Variants in GLCCI1 observed in about 807,000 individuals in gnomAD.
GLCCI1 encodes the protein glucocorticoid-induced transcript 1 protein.
In GLCCI1, 24 loss-of-function variants were observed where a neutral mutation model predicts 52.2. The observed-to-expected ratio is 0.46, with a 90% CI of 0.33 to 0.65. The LOEUF is 0.65. GLCCI1 is among the 30% of genes least tolerant of loss of function. GLCCI1 has a pLI of 0.02. For synonymous variants in GLCCI1, 310 were observed against 276.5 expected (o/e 1.12, Z -1.20); for missense variants, 704 against 701.5 (o/e 1.00, Z -0.04).
intron 1 of GLCCI1, among the ~76,000 whole-genome samples, chr7:7,976,876 C>T (rs1487638492): frequency 4.0e-5 from 6 of 151,226 alleles, no homozygotes; most frequent in Non-Finnish European, 8.8e-5. Flanking sequence ...GAGCTGAAAT[C>T]ACCCTACTGC....
At position 8,087,735 on chromosome 7, in the gene GLCCI1, GT is replaced by G. The variant is rs58272960; in HGVS notation, c.*1204del. 0.24 allele frequency: 37,147 copies of G among 152,428 alleles called. 4,896 individuals carry two copies. The highest frequency in any genetic ancestry group is 0.42 in the East Asian group (2,154 of 5,164). The allele number at this position is 152,428 out of a possible 1,614,324, so 9.4% of individuals were successfully genotyped here. A position where few individuals can be genotyped will look rare whatever the true frequency, so the allele number is the denominator to read the frequency against. On this transcript the variant is annotated 3_prime_UTR_variant, in exon 8 of 8. Coordinates refer to ENST00000223145, the MANE Select transcript of GLCCI1 (RefSeq NM_138426.4). ...CTCAGAATTGATGCAACATAAGCAG[GT>G]TTTTTTGGTGACTTACAAGAGCAAT...
intron 3 of GLCCI1, among the ~76,000 whole-genome samples, chr7:8,043,764 A>T (rs183486737): frequency 6.6e-6 from 1 of 152,326 alleles, no homozygotes; most frequent in Non-Finnish European, 1.5e-5. Flanking sequence ...GAATAGGTAT[A>T]AAAGACTAAT....
At chr7:8,084,387 C>T (rs886752099) in intron 6 of GLCCI1, among the ~76,000 whole-genome samples, 16 of 152,054 alleles carry the variant, frequency 1.1e-4, no homozygotes, top group African/African-American at 3.9e-4. Flanking sequence ...TAGAAAGAGA[C>T]ATTTTATAAA....
At chr7:7,980,880 G>T in intron 1 of GLCCI1, 1 of 643,068 alleles carries the variant, frequency 1.6e-6, no homozygotes, top group Non-Finnish European at 2.9e-6. Context: ...AGTGATTTTA[G>T]ATGGTCCATT....
At chr7:8,010,798 A>G (rs1411802932) in intron 2 of GLCCI1, among the ~76,000 whole-genome samples, 1 of 152,196 alleles carries the variant, frequency 6.6e-6, no homozygotes, top group African/African-American at 2.4e-5. Context: ...CTGTACCTAT[A>G]GAAATATATT....
chr7:8,018,839 T>C (rs1483245447), intron 2 of GLCCI1, among the ~76,000 whole-genome samples: 2 of 152,216 alleles, frequency 1.3e-5, no homozygotes, highest in East Asian at 1.9e-4. Flanking sequence ...GGAACCCTTT[T>C]TGTCTACTCC....
In GLCCI1 at chr7:8,022,506, G is replaced by A. The variant is rs749097778; in HGVS notation, c.633G>A (p.Glu211=). 6.3e-7 allele frequency: 1 copy of A among 1,583,122 alleles called. No homozygotes were observed. Among genetic ancestry groups the A allele is most frequent in the Non-Finnish European group, 8.6e-7 (1 of 1,162,858 alleles). ...AGACACCTAGCTGTTGGGCAGAAGA[G>A]GGTGCAGAAAAGAGGTCACATCAGC... ...ATQTPSCWAE[E]GAEKRSHQRS... is the part of the protein sequence containing the mutation. The change falls in exon 3 of 8, where the codon GAG becomes GAA. Residue 211 remains glutamate, a synonymous_variant. Coordinates refer to ENST00000223145, the MANE Select transcript of GLCCI1 (RefSeq NM_138426.4).
At chr7:7,995,722 A>AG (rs1262940384) in intron 1 of GLCCI1, among the ~76,000 whole-genome samples, 1 of 152,122 alleles carries the variant, frequency 6.6e-6, no homozygotes, top group East Asian at 1.9e-4. Context: ...GGACACAGGA[A>AG]GGGGAACATC....
intron 3 of GLCCI1, among the ~76,000 whole-genome samples, chr7:8,046,312 C>G (rs1480580795): frequency 1.3e-5 from 2 of 152,218 alleles, no homozygotes; most frequent in African/African-American, 4.8e-5. Context: ...TCTGAGTGGA[C>G]TCCCTCCTCT....
At chr7:8,061,988 C>T (rs1782528528) in intron 5 of GLCCI1, among the ~76,000 whole-genome samples, 1 of 151,942 alleles carries the variant, frequency 6.6e-6, no homozygotes, top group South Asian at 2.1e-4. Flanking sequence ...TTTTTTTATG[C>T]ATTAAGTGAA....
chr7:8,042,994 G>T (rs1782036322), intron 3 of GLCCI1, among the ~76,000 whole-genome samples: 1 of 152,136 alleles, frequency 6.6e-6, no homozygotes, highest in South Asian at 2.1e-4. Context: ...TACCACAACT[G>T]CCTCTGCCTT....
chr7:7,994,728 T>C (rs1780905870), intron 1 of GLCCI1, among the ~76,000 whole-genome samples: 1 of 152,216 alleles, frequency 6.6e-6, no homozygotes, highest in Non-Finnish European at 1.5e-5. Flanking sequence ...TGTCTGTCGT[T>C]AAAATCTATT....
At chr7:7,981,166 T>G in intron 1 of GLCCI1, 2 of 419,240 alleles carry the variant, frequency 4.8e-6, no homozygotes, top group South Asian at 3.8e-5. Context: ...CTGGATATAA[T>G]ACTCTCTAGA....
intron 2 of GLCCI1, among the ~76,000 whole-genome samples, chr7:8,018,251 A>C (rs1445828717): frequency 6.6e-6 from 1 of 152,164 alleles, no homozygotes; most frequent in East Asian, 1.9e-4. Flanking sequence ...TATTTAAATA[A>C]GATTAAAGAA....
At chr7:7,981,868 A>T (rs1780629029) in intron 1 of GLCCI1, 1 of 453,952 alleles carries the variant, frequency 2.2e-6, no homozygotes, top group African/African-American at 2.0e-5. Flanking sequence ...GAGCAGGCAG[A>T]AGACTCCAAG....
chr7:7,970,699 C>T (rs1383366012), intron 1 of GLCCI1, among the ~76,000 whole-genome samples: 4 of 152,042 alleles, frequency 2.6e-5, no homozygotes, highest in African/African-American at 9.7e-5. Context: ...TTGTTTATGT[C>T]TAGGGACACA....
chr7:8,015,911 A>G (rs1455657361), intron 2 of GLCCI1, among the ~76,000 whole-genome samples: 2 of 152,206 alleles, frequency 1.3e-5, no homozygotes, highest in Non-Finnish European at 2.9e-5. Flanking sequence ...ATTTAGCTGG[A>G]AACAAAATTA....
chr7:8,015,110 C>T (rs567452067), intron 2 of GLCCI1, among the ~76,000 whole-genome samples: 1 of 152,164 alleles, frequency 6.6e-6, no homozygotes, highest in South Asian at 2.1e-4. Context: ...AGGCAACATT[C>T]AATAAAGTTA....
At chr7:8,023,722 C>A (rs1050350184) in intron 3 of GLCCI1, among the ~76,000 whole-genome samples, 1 of 150,980 alleles carries the variant, frequency 6.6e-6, no homozygotes, top group African/African-American at 2.4e-5. Flanking sequence ...CCTCAGCCAC[C>A]CGAGTAGCTG....
Sources: allele counts gnomAD v4.1 joint callset (sites outside exome capture counted in the v4.1 genomes callset), GRCh38; gene constraint gnomAD v4.1.1; transcripts MANE v1.5; gene names NCBI Gene and HGNC (gene_info 2026-07-23, HGNC 2026-07-21).